Variants in SHISA6 observed in about 807,000 individuals in gnomAD.
The protein encoded by SHISA6 is shisa family member 6.
In SHISA6, 22 loss-of-function variants were observed where a neutral mutation model predicts 47.9. The ratio of observed to expected loss-of-function variants is 0.46; its 90% CI spans 0.33 to 0.66. The LOEUF is 0.66. SHISA6 is among the 30% of genes least tolerant of loss of function. The pLI is 0.02. For synonymous variants in SHISA6, 388 were observed against 337.8 expected, an observed-to-expected ratio of 1.15 and a Z score of -1.63; for missense variants, 680 against 764.6, an observed-to-expected ratio of 0.89 and a Z score of 1.30.
At chr17:11,250,977 G>A (rs1311439012) in intron 1 of SHISA6, among the ~76,000 whole-genome samples, 1 of 152,048 alleles carries the variant, frequency 6.6e-6, no homozygotes, top group African/African-American at 2.4e-5. Flanking sequence ...GCATTATCTC[G>A]CTGCATCCTC....
chr17:11,496,685 G>A (rs2071411584), intron 3 of SHISA6, among the ~76,000 whole-genome samples: 1 of 151,248 alleles, frequency 6.6e-6, no homozygotes. Flanking sequence ...GTTGCAGTGA[G>A]CCAAGATCGC....
chr17:11,304,761 A>G (rs1190692360), intron 2 of SHISA6, among the ~76,000 whole-genome samples: 2 of 152,078 alleles, frequency 1.3e-5, no homozygotes, highest in East Asian at 1.9e-4. Flanking sequence ...GCCGGAGTGT[A>G]GGGAAACTCA....
chr17:11,392,368 A>G (rs1913414823), intron 3 of SHISA6, among the ~76,000 whole-genome samples: 2 of 152,204 alleles, frequency 1.3e-5, no homozygotes. Context: ...GGTGGAGCCT[A>G]GTAGAGGGGT....
chr17:11,282,070 T>C (rs758435), intron 2 of SHISA6, among the ~76,000 whole-genome samples: 117,840 of 152,166 alleles, frequency 0.77, 46,304 homozygotes, highest in Non-Finnish European at 0.85. Context: ...ATTTGTGGCA[T>C]AGGCCAAATT....
intron 3 of SHISA6, among the ~76,000 whole-genome samples, chr17:11,509,815 C>T (rs1209235589): frequency 6.6e-6 from 1 of 152,196 alleles, no homozygotes; most frequent in Non-Finnish European, 1.5e-5. Flanking sequence ...AAGAGATGCT[C>T]ATCCTCTTAA....
chr17:11,324,896 G>C (rs1910824756), intron 2 of SHISA6, among the ~76,000 whole-genome samples: 2 of 152,116 alleles, frequency 1.3e-5, no homozygotes, highest in Non-Finnish European at 2.9e-5. Context: ...AGCACAGCGA[G>C]GGCCGGGTCT....
chr17:11,309,089 C>T (rs190024667), intron 2 of SHISA6, among the ~76,000 whole-genome samples: 334 of 152,244 alleles, frequency 2.2e-3, no homozygotes, highest in South Asian at 4.8e-3. Flanking sequence ...CTCAGCCTCC[C>T]GAGTAGCTGG....
rs150622498 is a variant in SHISA6, at chr17:11,270,590, G to T, written c.799+7064G>T. 2.5e-3 allele frequency among the ~76,000 whole-genome samples: 377 copies of T among 152,272 alleles called. 8 individuals carry two copies. Among genetic ancestry groups the T allele is most frequent in the African/African-American group, 8.5e-3 (354 of 41,554 alleles). On this transcript the variant is annotated intron_variant, in intron 2 of 5. Transcript: ENST00000441885. ...CTCTGCAGGCCATAAGATCTCTGTG[G>T]CAACTACCCAGTTCTGCCCTTGAAG...
intron 2 of SHISA6, among the ~76,000 whole-genome samples, chr17:11,315,200 A>AT (rs1394007904): frequency 1.3e-5 from 2 of 152,222 alleles, no homozygotes; most frequent in Non-Finnish European, 2.9e-5. Flanking sequence ...ATTACAAGGC[A>AT]TTTTATCATT....
intron 1 of SHISA6, among the ~76,000 whole-genome samples, chr17:11,255,139 C>T (rs1241893650): frequency 6.6e-6 from 1 of 152,170 alleles, no homozygotes; most frequent in Admixed American, 6.5e-5. Flanking sequence ...AGAGTAGTGC[C>T]TGGCACAGAG....
intron 2 of SHISA6, among the ~76,000 whole-genome samples, chr17:11,299,497 C>T (rs1386336723): frequency 5.3e-5 from 8 of 152,120 alleles, no homozygotes; most frequent in Admixed American, 4.6e-4. Flanking sequence ...AAACAACACA[C>T]ATTTATTCTT....
rs1270491107 is a variant in SHISA6, at chr17:11,557,822, C to G, written c.1174C>G (p.Leu392Val). The change falls in exon 6 of 6, where the codon CTC becomes GTC. Residue 392 changes from leucine to valine, a missense_variant. Physicochemically the swap from Leu to Val is conservative, Grantham distance 32 (BLOSUM62 1). This residue lies in a region of SHISA6 where 559 missense variants were observed against 674.1 expected (regional missense o/e 0.83). Transcript: ENST00000441885. ...GCCCGACCTGGCTGCCCGCGGCACC[C>G]TCCCCCTCAATGTCATCCAGATGTC... ...HLPDLAARGT[L>V]PLNVIQMSQQ... 6.4e-7 allele frequency: 1 copy of G among 1,551,388 alleles called. No homozygotes were observed. The highest frequency in any genetic ancestry group is 8.7e-7 in the Non-Finnish European group (1 of 1,146,968).
intron 3 of SHISA6, among the ~76,000 whole-genome samples, chr17:11,545,590 A>G (rs1339424020): frequency 1.3e-5 from 2 of 152,226 alleles, no homozygotes; most frequent in East Asian, 1.9e-4. Flanking sequence ...ATGTGAGACT[A>G]TAACTCTCCC....
chr17:11,408,494 A>G lies in SHISA6; in HGVS notation c.895+28985A>G, dbSNP rs190969229. On this transcript the variant is annotated intron_variant, in intron 3 of 5. Coordinates refer to ENST00000441885, the MANE Select transcript of SHISA6 (RefSeq NM_207386.4). ...AAGAATTAAGACATTTAATCAAAACATGCTTCCTAATATATGACCGTACCA... is the reference window on the plus strand; with the variant it reads ...AAGAATTAAGACATTTAATCAAAACGTGCTTCCTAATATATGACCGTACCA... Among the ~76,000 whole-genome samples the G allele has an allele frequency of 9.8e-5, 15 of 152,294 alleles. No individual in the cohort carries two copies. In the East Asian group the frequency reaches 2.3e-3, roughly 24 times the overall value.
intron 2 of SHISA6, among the ~76,000 whole-genome samples, chr17:11,328,321 C>G (rs1910980353): frequency 6.6e-6 from 1 of 152,160 alleles, no homozygotes; most frequent in Non-Finnish European, 1.5e-5. Flanking sequence ...GAACTTTTCC[C>G]TAATGGTTGC....
intron 2 of SHISA6, among the ~76,000 whole-genome samples, chr17:11,351,244 C>T (rs1194847335): frequency 6.6e-6 from 1 of 152,100 alleles, no homozygotes; most frequent in Non-Finnish European, 1.5e-5. Flanking sequence ...ACCATCATGG[C>T]ACATGTATAC....
intron 3 of SHISA6, among the ~76,000 whole-genome samples, chr17:11,380,649 T>C (rs1912977875): frequency 6.6e-6 from 1 of 152,216 alleles, no homozygotes; most frequent in South Asian, 2.1e-4. Context: ...TGTGAGACAA[T>C]TTACTCTCAA....
At chr17:11,368,105 G>T (rs1248018093) in intron 2 of SHISA6, among the ~76,000 whole-genome samples, 2 of 152,104 alleles carry the variant, frequency 1.3e-5, no homozygotes, top group African/African-American at 2.4e-5. Flanking sequence ...CTCTATACAC[G>T]TGACTACATT....
At chr17:11,354,078 G>A (rs1353752322) in intron 2 of SHISA6, among the ~76,000 whole-genome samples, 1 of 152,062 alleles carries the variant, frequency 6.6e-6, no homozygotes, top group East Asian at 1.9e-4. Flanking sequence ...TCCACCCAGG[G>A]CATCATCCAC....
Sources: gnomAD v4.1 joint callset for allele counts (sites outside exome capture counted in the v4.1 genomes callset) on GRCh38, gnomAD v4.1.1 for gene constraint, gnomAD v4.1.1 regional missense constraint, MANE v1.5 for transcripts, NCBI Gene and HGNC (gene_info 2026-07-23, HGNC 2026-07-21) for gene names.